The following HEPACAM2 variants were observed in gnomAD, a reference collection of about 807,000 sequenced individuals.
The protein encoded by HEPACAM2 is HEPACAM family member 2.
Under a neutral mutation model 49.6 loss-of-function variants are expected in HEPACAM2, and 49 were observed. The ratio of observed to expected loss-of-function variants is 0.99; its 90% CI spans 0.78 to 1.25. The LOEUF (loss-of-function observed/expected upper bound fraction) is 1.25, where lower values mean the gene tolerates loss of function less well. HEPACAM2 is among the 50% of genes most tolerant of loss of function. The probability of loss-of-function intolerance (pLI) is 0.00; values close to 1 mark genes in which losing one functional copy is unlikely to be tolerated. For missense variants in HEPACAM2, 525 were observed against 557.2 expected (o/e 0.94, Z 0.58); for synonymous variants, 197 against 202.9 (o/e 0.97, Z 0.25).
intron 1 of HEPACAM2, among the ~76,000 whole-genome samples, chr7:93,220,118 T>A (rs780984116): frequency 5.3e-4 from 81 of 152,268 alleles, no homozygotes; most frequent in Middle Eastern, 3.4e-3. Flanking sequence ...GAGGTGGCTG[T>A]GACAGACTGG....
chr7:93,211,505 T>C (rs1456701737), intron 3 of HEPACAM2, among the ~76,000 whole-genome samples: 1 of 152,042 alleles, frequency 6.6e-6, no homozygotes, highest in African/African-American at 2.4e-5. Flanking sequence ...AGTAGTGTAA[T>C]GGGAACAAAA....
Position 93,189,213 on chromosome 7 carries a change from C to T in HEPACAM2, c.*54G>A. ...TTAATATACTTTTCCACTGTTTTTC[C>T]TTAAAATGTTTCTTCAGAATTTCAC... On this transcript the variant is annotated 3_prime_UTR_variant, in exon 10 of 10. Coordinates refer to ENST00000394468, the MANE Select transcript of HEPACAM2 (RefSeq NM_001039372.4). 1 of 1,511,758 alleles carries T rather than the reference C, an allele frequency of 6.6e-7. No homozygotes were observed. The highest frequency in any genetic ancestry group is 9.1e-7 in the Non-Finnish European group (1 of 1,094,252). 93.6% of individuals were successfully genotyped at this position (1,511,758 alleles called of 1,614,324 possible).
At chr7:93,191,824 A>T (rs541352821) in intron 9 of HEPACAM2, among the ~76,000 whole-genome samples, 1 of 151,202 alleles carries the variant, frequency 6.6e-6, no homozygotes, top group East Asian at 1.9e-4. Flanking sequence ...TGTGCTGTGG[A>T]CCCTCTGTAG....
chr7:93,228,889 A>G (rs902208397), upstream of HEPACAM2, among the ~76,000 whole-genome samples: 56 of 122,424 alleles, frequency 4.6e-4, no homozygotes, highest in African/African-American at 1.6e-3. Context: ...GTGTGTGTGT[A>G]TGTGTGTGTA....
intron 3 of HEPACAM2, among the ~76,000 whole-genome samples, chr7:93,212,413 A>G (rs536204580): frequency 1.3e-5 from 2 of 151,414 alleles, no homozygotes; most frequent in African/African-American, 4.8e-5. Flanking sequence ...ACCTCTTCCG[A>G]CTCTTGGAAC....
intron 1 of HEPACAM2, among the ~76,000 whole-genome samples, chr7:93,220,440 G>T (rs776025451): frequency 1.3e-5 from 2 of 152,200 alleles, no homozygotes; most frequent in Non-Finnish European, 2.9e-5. Context: ...CAAAGAGGAT[G>T]CCAAGCTTCT....
chr7:93,210,408 T>C (rs1205243776), intron 3 of HEPACAM2, among the ~76,000 whole-genome samples: 1 of 152,008 alleles, frequency 6.6e-6, no homozygotes, highest in East Asian at 1.9e-4. Context: ...GTTTCTAAAA[T>C]ATATGCACTT....
the HEPACAM2 span, among the ~76,000 whole-genome samples, chr7:93,232,155 T>A: frequency 6.6e-6 from 1 of 152,212 alleles, no homozygotes; most frequent in East Asian, 1.9e-4. Flanking sequence ...TACTGCCTAG[T>A]GCAAGCACCT....
intron 2 of HEPACAM2, among the ~76,000 whole-genome samples, chr7:93,217,706 T>C (rs1794337045): frequency 6.6e-6 from 1 of 151,950 alleles, no homozygotes; most frequent in Admixed American, 6.6e-5. Context: ...TAATACAAAG[T>C]CCCTGCTCCT....
At chr7:93,230,372 C>T (rs891565002), upstream of HEPACAM2, among the ~76,000 whole-genome samples, 2 of 152,144 alleles carry the variant, frequency 1.3e-5, no homozygotes, top group Non-Finnish European at 2.9e-5. Context: ...GCTGGACTGC[C>T]TTTAAGAATC....
chr7:93,217,162 A>T (rs2116708887), intron 2 of HEPACAM2, among the ~76,000 whole-genome samples: 1 of 152,316 alleles, frequency 6.6e-6, no homozygotes, highest in Non-Finnish European at 1.5e-5. Flanking sequence ...AGAAAAATAA[A>T]TTGTGTACAT....
At position 93,217,876 on chromosome 7, in the gene HEPACAM2, CTGTGTGTGTGTG is replaced by C. The variant is rs138044928; in HGVS notation, c.430+1213_430+1224del. Among the ~76,000 whole-genome samples, 47 of 140,188 alleles carry C rather than the reference CTGTGTGTGTGTG, an allele frequency of 3.4e-4. No individual in the cohort carries two copies. The South Asian group carries it at 5.3e-3, about 16-fold the overall frequency. 92.0% of individuals were successfully genotyped at this position (140,188 alleles called of 152,430 possible). ...TTCTATTTTCTCTGAGCATGTGTGT[CTGTGTGTGTGTG>C]TGTGTGTGTGTGTGTGTGTGTGTGT... On this transcript the variant is annotated intron_variant, in intron 2 of 9. Coordinates refer to ENST00000394468, the MANE Select transcript of HEPACAM2 (RefSeq NM_001039372.4).
At chr7:93,194,676 A>G (rs1207111883) in intron 8 of HEPACAM2, among the ~76,000 whole-genome samples, 1 of 152,080 alleles carries the variant, frequency 6.6e-6, no homozygotes, top group African/African-American at 2.4e-5. Context: ...CACTGATAGA[A>G]TCCTCTGAAC....
At chr7:93,217,327 T>C (rs561588382) in intron 2 of HEPACAM2, among the ~76,000 whole-genome samples, 168 of 152,284 alleles carry the variant, frequency 1.1e-3, no homozygotes, top group African/African-American at 3.8e-3. Context: ...CTTAAAACAG[T>C]ATAACTCAGA....
intron 3 of HEPACAM2, 142 bp downstream of exon 3, chr7:93,215,259 G>T: frequency 1.5e-6 from 1 of 676,696 alleles, no homozygotes; most frequent in East Asian, 2.7e-5. Context: ...CAGTGCCTAG[G>T]AGGTGTGATT....
chr7:93,218,576 A>G (rs539604137), intron 2 of HEPACAM2, among the ~76,000 whole-genome samples: 6 of 152,252 alleles, frequency 3.9e-5, no homozygotes, highest in African/African-American at 1.4e-4. Flanking sequence ...GACATAGTAT[A>G]TTTTACATAT....
rs1793469270 is a variant in HEPACAM2 at position 93,189,015 on chromosome 7, G to C, written c.*252C>G. ...CCTGTCACTTTCGTTCTCCCCGTCAGCATGAGAACGACTCTCCACTGAGGA... is the reference window on the plus strand; with the variant it reads ...CCTGTCACTTTCGTTCTCCCCGTCACCATGAGAACGACTCTCCACTGAGGA... On this transcript the variant is annotated 3_prime_UTR_variant, in exon 10 of 10. Transcript: ENST00000394468. 1 of 471,472 alleles carries C rather than the reference G, an allele frequency of 2.1e-6. No homozygotes were observed. Among genetic ancestry groups the C allele is most frequent in the Admixed American group, 3.9e-5 (1 of 25,840 alleles). 29.2% of individuals were successfully genotyped at this position (471,472 alleles called of 1,614,324 possible).
At chr7:93,222,017 A>G (rs13438092) in intron 1 of HEPACAM2, among the ~76,000 whole-genome samples, 273 of 152,282 alleles carry the variant, frequency 1.8e-3, no homozygotes, top group African/African-American at 6.3e-3. Flanking sequence ...GGACTGCAGA[A>G]AAGAAGTAGT....
At position 93,225,998 on chromosome 7, in the gene HEPACAM2, C is replaced by T. The variant is rs968495635; in HGVS notation, c.79+370G>A. 9.1e-6 allele frequency: 8 copies of T among 874,936 alleles called. No individual in the cohort carries two copies. The African/African-American group carries it at 1.0e-4, about 11-fold the overall frequency. The allele number at this position is 874,936 out of a possible 1,614,324, so 54.2% of individuals were successfully genotyped here. A position where few individuals can be genotyped will look rare whatever the true frequency, so the allele number is the denominator to read the frequency against. ...TTTTCGTAAATTATTTGTAGTTTCA[C>T]TCTAAGTGGTCACAATTTCATGGCC... is the stretch of plus-strand genomic sequence containing the variant. On this transcript the variant is annotated intron_variant, in intron 1 of 9. Coordinates refer to ENST00000394468, the MANE Select transcript of HEPACAM2 (RefSeq NM_001039372.4).
Sources: allele counts gnomAD v4.1 joint callset (sites outside exome capture counted in the v4.1 genomes callset), GRCh38; gene constraint gnomAD v4.1.1; transcripts MANE v1.5; gene names NCBI Gene and HGNC (gene_info 2026-07-23, HGNC 2026-07-21).